SPIDR: variants seen among roughly 807,000 people sequenced by gnomAD.
SPIDR encodes the protein DNA repair-scaffolding protein.
Under a neutral mutation model 104.6 loss-of-function variants are expected in SPIDR, and 93 were observed. That is an observed-to-expected ratio of 0.89 (90% CI 0.75 to 1.06). The LOEUF is 1.06. Among genes scored for constraint, SPIDR ranks in the 50% least tolerant of loss-of-function variants. The pLI is 0.00. For missense variants in SPIDR, 1,154 were observed against 1,111.2 expected (o/e 1.04, Z -0.55); for synonymous variants, 431 against 416.9 (o/e 1.03, Z -0.41).
intron 10 of SPIDR, among the ~76,000 whole-genome samples, chr8:47,633,580 C>G (rs568246824): frequency 7.8e-6 from 1 of 128,358 alleles, no homozygotes. Flanking sequence ...AAAACAAAAA[C>G]CAAGCATGGT....
intron 8 of SPIDR, among the ~76,000 whole-genome samples, chr8:47,564,577 G>T (rs1023063924): frequency 1.3e-5 from 2 of 151,948 alleles, no homozygotes; most frequent in East Asian, 2.0e-4. Flanking sequence ...CTATTCAGGA[G>T]GCTGAGGCAG....
At chr8:47,624,896 C>T (rs932967395) in intron 10 of SPIDR, among the ~76,000 whole-genome samples, 19 of 152,296 alleles carry the variant, frequency 1.2e-4, no homozygotes, top group African/African-American at 4.3e-4. Flanking sequence ...ATGAGGCCGG[C>T]ATCATCCTGA....
At chr8:47,583,017 C>T (rs913384375) in intron 8 of SPIDR, among the ~76,000 whole-genome samples, 1 of 151,988 alleles carries the variant, frequency 6.6e-6, no homozygotes, top group African/African-American at 2.4e-5. Flanking sequence ...AACTCTTCCA[C>T]ATTTTAGCCT....
chr8:47,468,548 C>T (rs907271350), intron 8 of SPIDR, among the ~76,000 whole-genome samples: 12 of 152,044 alleles, frequency 7.9e-5, no homozygotes, highest in African/African-American at 2.2e-4. Flanking sequence ...AAAATAAGGC[C>T]GCACACCTAC....
chr8:47,620,533 G>T (rs1022293443), intron 10 of SPIDR, among the ~76,000 whole-genome samples: 13 of 151,734 alleles, frequency 8.6e-5, no homozygotes, highest in African/African-American at 2.9e-4. Context: ...CTCCCAAAGT[G>T]CTGGGATTAC....
At chr8:47,373,571 A>G (rs2058310584) in intron 5 of SPIDR, among the ~76,000 whole-genome samples, 1 of 151,966 alleles carries the variant, frequency 6.6e-6, no homozygotes, top group South Asian at 2.1e-4. Flanking sequence ...TTTGTTACGT[A>G]GGTATAAAAG....
chr8:47,288,291 CT>C (rs782147624), intron 3 of SPIDR, among the ~76,000 whole-genome samples: 229 of 145,300 alleles, frequency 1.6e-3, no homozygotes, highest in Admixed American at 2.2e-3. Flanking sequence ...TAACTTCCTT[CT>C]TTTTTTTTTT....
intron 10 of SPIDR, among the ~76,000 whole-genome samples, chr8:47,610,846 C>T (rs945886779): frequency 2.0e-5 from 3 of 152,254 alleles, no homozygotes; most frequent in Non-Finnish European, 2.9e-5. Context: ...ATACAAAAGA[C>T]AGTGACAGAT....
At chr8:47,432,281 G>A (rs138179899) in intron 7 of SPIDR, among the ~76,000 whole-genome samples, 1 of 152,246 alleles carries the variant, frequency 6.6e-6, no homozygotes, top group African/African-American at 2.4e-5. Flanking sequence ...TAGATAAAAC[G>A]TCATTTGGAT....
chr8:47,496,196 C>T (rs1361598058), intron 8 of SPIDR, among the ~76,000 whole-genome samples: 3 of 152,046 alleles, frequency 2.0e-5, no homozygotes, highest in Non-Finnish European at 2.9e-5. Flanking sequence ...CCCCCCTTGC[C>T]TCATTTCCCT....
intron 5 of SPIDR, among the ~76,000 whole-genome samples, chr8:47,363,855 T>TC (rs2056660360): frequency 6.6e-6 from 1 of 150,808 alleles, no homozygotes; most frequent in Non-Finnish European, 1.5e-5. Context: ...TTTTTTTTTT[T>TC]CTCTCTCTGT....
At chr8:47,363,585 C>A (rs1305915667) in intron 5 of SPIDR, among the ~76,000 whole-genome samples, 1 of 151,910 alleles carries the variant, frequency 6.6e-6, no homozygotes, top group Non-Finnish European at 1.5e-5. Context: ...CAGGCTCTGG[C>A]AGTGATCTCT....
intron 16 of SPIDR, among the ~76,000 whole-genome samples, chr8:47,725,124 C>A (rs1337945372): frequency 6.6e-6 from 1 of 152,216 alleles, no homozygotes; most frequent in Non-Finnish European, 1.5e-5. Flanking sequence ...TAGCAGAGTT[C>A]AAGTTACTGA....
chr8:47,498,261 C>T (rs73565276), intron 8 of SPIDR, among the ~76,000 whole-genome samples: 2,818 of 152,190 alleles, frequency 0.019, 75 homozygotes, highest in African/African-American at 0.064. Context: ...TCTAAAAGTT[C>T]CTTTGCATCA....
At chr8:47,525,202 A>G (rs1307186688) in intron 8 of SPIDR, among the ~76,000 whole-genome samples, 3 of 152,192 alleles carry the variant, frequency 2.0e-5, no homozygotes, top group Non-Finnish European at 4.4e-5. Context: ...GTGTCCTCCT[A>G]AAGAGCAGGG....
At chr8:47,371,970 A>G (rs1190328861) in intron 5 of SPIDR, among the ~76,000 whole-genome samples, 1 of 152,096 alleles carries the variant, frequency 6.6e-6, no homozygotes, top group African/African-American at 2.4e-5. Flanking sequence ...TCATTCCTCC[A>G]TCTCTGTTCT....
intron 8 of SPIDR, among the ~76,000 whole-genome samples, chr8:47,501,366 G>T (rs1182303071): frequency 6.6e-6 from 1 of 152,208 alleles, no homozygotes; most frequent in Admixed American, 6.5e-5. Context: ...CACATCCCTT[G>T]TAAGTTGGAT....
chr8:47,707,252 C>CA (rs34372972), intron 14 of SPIDR, among the ~76,000 whole-genome samples: 28,936 of 95,176 alleles, frequency 0.3, 3,594 homozygotes, highest in South Asian at 0.52. Flanking sequence ...GACTCTTTCT[C>CA]AAAAAAAAAA....
At chr8:47,397,814 T>G (rs782250094) in intron 6 of SPIDR, among the ~76,000 whole-genome samples, 5 of 152,150 alleles carry the variant, frequency 3.3e-5, no homozygotes, top group Non-Finnish European at 7.3e-5. Context: ...GCCAGTCACC[T>G]TGAAAAGATC....
Sources: allele counts gnomAD v4.1 joint callset (sites outside exome capture counted in the v4.1 genomes callset), GRCh38; gene constraint gnomAD v4.1.1; transcripts MANE v1.5; gene names NCBI Gene and HGNC (gene_info 2026-07-23, HGNC 2026-07-21).